The following DISC1 variants were observed in gnomAD, a reference collection of about 807,000 sequenced individuals.
DISC1 encodes DISC1 scaffold protein, also known as disrupted in schizophrenia 1 protein.
A neutral mutation model predicts 84.5 loss-of-function variants in DISC1; 57 were observed. That is an observed-to-expected ratio of 0.67 (90% CI 0.55 to 0.84). DISC1 has a LOEUF of 0.84. DISC1 is among the 40% of genes least tolerant of loss of function. The pLI is 0.00. For synonymous variants in DISC1, 411 were observed against 415.2 expected (o/e 0.99, Z 0.12); for missense variants, 1,000 against 1,057.8 (o/e 0.95, Z 0.76).
chr1:231,963,639 T>G (rs1434146792), intron 10 of DISC1, among the ~76,000 whole-genome samples: 2 of 152,148 alleles, frequency 1.3e-5, no homozygotes, highest in East Asian at 3.9e-4. Flanking sequence ...TGATTTATTC[T>G]CACTTTCCAA....
At chr1:231,644,574 C>T (rs2059978687) in intron 1 of DISC1, among the ~76,000 whole-genome samples, 1 of 152,144 alleles carries the variant, frequency 6.6e-6, no homozygotes, top group Non-Finnish European at 1.5e-5. Context: ...CTGCAGGTAA[C>T]CCCCTTATTG....
intron 9 of DISC1, among the ~76,000 whole-genome samples, chr1:231,837,947 T>G (rs1237366038): frequency 6.7e-6 from 1 of 148,606 alleles, no homozygotes; most frequent in Non-Finnish European, 1.5e-5. Flanking sequence ...CATTTATGCC[T>G]TTTTTTTCTT....
At chr1:231,769,814 G>T (rs2076419575) in intron 5 of DISC1, among the ~76,000 whole-genome samples, 2 of 151,870 alleles carry the variant, frequency 1.3e-5, no homozygotes, top group Non-Finnish European at 2.9e-5. Flanking sequence ...AAAAAGAAAT[G>T]AATAGGGTAG....
chr1:232,002,952 C>T (rs1318350458), intron 10 of DISC1, among the ~76,000 whole-genome samples: 1 of 152,064 alleles, frequency 6.6e-6, no homozygotes, highest in African/African-American at 2.4e-5. Flanking sequence ...AATACTCTGG[C>T]ATGATATTGC....
intron 1 of DISC1, among the ~76,000 whole-genome samples, chr1:231,641,580 G>A (rs1023061050): frequency 1.3e-5 from 2 of 152,230 alleles, no homozygotes; most frequent in African/African-American, 2.4e-5. Context: ...AAAGGGACCG[G>A]AGAGGGTTGC....
At chr1:231,901,156 T>C (rs2088141761) in intron 9 of DISC1, among the ~76,000 whole-genome samples, 1 of 152,136 alleles carries the variant, frequency 6.6e-6, no homozygotes, top group African/African-American at 2.4e-5. Context: ...TCCAATGGGG[T>C]GAACTAAGTC....
Position 231,955,000 on chromosome 1 carries a change from A to G in DISC1, c.1982-3828A>G, listed in dbSNP as rs1237474253. On this transcript the variant is annotated intron_variant, in intron 9 of 12. Transcript: ENST00000439617. The surrounding 1 kb of genome is among the most constrained non-coding windows in gnomAD (Gnocchi z 4.8). ...CTTGTGCAGGTCCAGCGTGTCACCAACTGGTGCTTCAGACACTGAGATGAG... is the reference window on the plus strand; with the variant it reads ...CTTGTGCAGGTCCAGCGTGTCACCAGCTGGTGCTTCAGACACTGAGATGAG... Among the ~76,000 whole-genome samples, 1 of 152,196 alleles carries G rather than the reference A, an allele frequency of 6.6e-6. No homozygotes were observed. The highest frequency in any genetic ancestry group is 1.5e-5 in the Non-Finnish European group (1 of 68,028).
chr1:231,640,056 A>C lies in DISC1; in HGVS notation c.67+13122A>C, dbSNP rs141315963. Among the ~76,000 whole-genome samples the C allele has an allele frequency of 3.7e-3, 558 of 152,368 alleles. 2 individuals carry two copies. Among genetic ancestry groups the C allele is most frequent in the African/African-American group, 0.013 (538 of 41,584 alleles). ...TCTGTGCACATGAGGTTCTGCCACC[A>C]TGTGAGTTCAGTCAGGTCAGATTAC... is the stretch of plus-strand genomic sequence containing the variant. On this transcript the variant is annotated intron_variant, in intron 1 of 12. Transcript: ENST00000439617.
intron 9 of DISC1, among the ~76,000 whole-genome samples, chr1:231,953,877 G>T (rs1213122741): frequency 6.6e-6 from 1 of 152,140 alleles, no homozygotes; most frequent in Non-Finnish European, 1.5e-5. Flanking sequence ...GGGTGGTGGG[G>T]CTGGAGTTTC....
intron 4 of DISC1, among the ~76,000 whole-genome samples, chr1:231,764,925 C>T (rs1210412601): frequency 6.6e-6 from 1 of 152,116 alleles, no homozygotes; most frequent in Non-Finnish European, 1.5e-5. Flanking sequence ...GGCTTGGTGG[C>T]TCATGGCTGT....
At chr1:231,657,827 TC>T (rs1401683203) in intron 1 of DISC1, among the ~76,000 whole-genome samples, 1 of 152,182 alleles carries the variant, frequency 6.6e-6, no homozygotes, top group African/African-American at 2.4e-5. Context: ...TGTATTCTGT[TC>T]CATTGGTCTA....
At chr1:232,001,058 C>T (rs1666617838) in intron 10 of DISC1, among the ~76,000 whole-genome samples, 1 of 152,008 alleles carries the variant, frequency 6.6e-6, no homozygotes, top group Admixed American at 6.6e-5. Flanking sequence ...TTAATGTCAT[C>T]TGATACTTAA....
At chr1:231,674,955 G>A (rs1463736916) in intron 1 of DISC1, among the ~76,000 whole-genome samples, 2 of 152,132 alleles carry the variant, frequency 1.3e-5, no homozygotes, top group Non-Finnish European at 2.9e-5. Context: ...TTTGGAGGCT[G>A]GGAAGGATTT....
At chr1:231,650,397 C>G (rs1180390328) in intron 1 of DISC1, among the ~76,000 whole-genome samples, 2 of 152,242 alleles carry the variant, frequency 1.3e-5, no homozygotes, top group South Asian at 2.1e-4. Context: ...GGCCCCCACT[C>G]TCTTCTGGCT....
intron 6 of DISC1, among the ~76,000 whole-genome samples, chr1:231,786,853 G>T (rs2077904757): frequency 6.6e-6 from 1 of 152,138 alleles, no homozygotes; most frequent in Non-Finnish European, 1.5e-5. Flanking sequence ...TGGGAGCAGT[G>T]CTCTGAGAAG....
chr1:231,884,785 T>G lies in DISC1; in HGVS notation c.1981+66268T>G, dbSNP rs180974650. ...CAAATCATACATGGACCTCCGAACC[T>G]AAAATAAAAGATGGAAAAAAAAAAA... On this transcript the variant is annotated intron_variant, in intron 9 of 12. Coordinates refer to ENST00000439617, the MANE Select transcript of DISC1 (RefSeq NM_018662.3). 5.9e-4 allele frequency among the ~76,000 whole-genome samples: 87 copies of G among 147,288 alleles called. 4 individuals carry two copies. The East Asian group carries it at 0.016, about 27-fold the overall frequency.
intron 3 of DISC1, among the ~76,000 whole-genome samples, chr1:231,713,307 T>C (rs1402356026): frequency 1.3e-5 from 2 of 152,152 alleles, no homozygotes; most frequent in African/African-American, 4.8e-5. Flanking sequence ...GGACAGAAAC[T>C]ATCCCTGAGA....
chr1:231,934,841 T>C (rs1334473836), intron 9 of DISC1, among the ~76,000 whole-genome samples: 2 of 152,132 alleles, frequency 1.3e-5, no homozygotes, highest in African/African-American at 2.4e-5. Context: ...CTCCCCTCAT[T>C]TGAGGGGCAG....
intron 6 of DISC1, among the ~76,000 whole-genome samples, chr1:231,781,972 G>C (rs1190928926): frequency 3.9e-5 from 6 of 152,118 alleles, no homozygotes; most frequent in African/African-American, 1.4e-4. Flanking sequence ...CACCTTTTTC[G>C]AGCTGTGGAA....
Sources: allele counts gnomAD v4.1 joint callset (sites outside exome capture counted in the v4.1 genomes callset), GRCh38; gene constraint gnomAD v4.1.1; non-coding constraint Gnocchi (gnomAD v3.1); transcripts MANE v1.5; gene names NCBI Gene and HGNC (gene_info 2026-07-23, HGNC 2026-07-21).